Variants in HK1 observed in about 807,000 individuals in gnomAD.
The protein encoded by HK1 is hexokinase-1.
HK1 carries 28 observed loss-of-function variants against 91.6 expected under a neutral mutation model. The ratio of observed to expected loss-of-function variants is 0.31; its 90% CI spans 0.23 to 0.42. The LOEUF is 0.42. HK1 is among the 10% of genes least tolerant of loss of function. The pLI, the probability that HK1 is intolerant of heterozygous loss-of-function variation, is 1.00. For missense variants in HK1, 770 were observed against 1,219.8 expected (o/e 0.63, Z 5.49); for synonymous variants, 430 against 468.1 (o/e 0.92, Z 1.05).
At chr10:69,327,920 A>G (rs1847475669) in intron 1 of HK1, among the ~76,000 whole-genome samples, 1 of 152,088 alleles carries the variant, frequency 6.6e-6, no homozygotes, top group Admixed American at 6.5e-5. Context: ...CTGCTGAGAT[A>G]TCTGCACTGG....
At chr10:69,284,862 G>A (rs188613953) in intron 2 of HK1, among the ~76,000 whole-genome samples, 198 of 151,990 alleles carry the variant, frequency 1.3e-3, no homozygotes, top group Middle Eastern at 3.4e-3. Flanking sequence ...TGTCACCCAG[G>A]CTGGAGTGCA....
upstream of HK1, among the ~76,000 whole-genome samples, chr10:69,316,200 G>C (rs187752534): frequency 8.5e-5 from 13 of 152,300 alleles, no homozygotes; most frequent in African/African-American, 3.1e-4. Context: ...AGTGGAGGAA[G>C]AGATAAGTGG....
intron 1 of HK1, among the ~76,000 whole-genome samples, chr10:69,323,737 TGGCA>T (rs1451730839): frequency 6.6e-6 from 1 of 152,188 alleles, no homozygotes; most frequent in Non-Finnish European, 1.5e-5. Flanking sequence ...AGGAATAAAC[TGGCA>T]GGCAGGGTGT....
chr10:69,333,856 T>C (rs2132639521), intron 1 of HK1, among the ~76,000 whole-genome samples: 1 of 152,272 alleles, frequency 6.6e-6, no homozygotes, highest in Middle Eastern at 3.4e-3. Flanking sequence ...CTCACGCCTG[T>C]AATCCCAGCA....
At chr10:69,338,110 C>A (rs1357697241) in intron 1 of HK1, 3 of 311,586 alleles carry the variant, frequency 9.6e-6, no homozygotes, top group Non-Finnish European at 1.5e-5. Flanking sequence ...TCCTGCTCTG[C>A]GGGGGTCCAA....
chr10:69,386,143 C>T (rs184508349), intron 12 of HK1, among the ~76,000 whole-genome samples, 180 bp from the exon 13 acceptor site: 89 of 152,306 alleles, frequency 5.8e-4, no homozygotes, highest in African/African-American at 1.8e-3. Context: ...TTTCAAACCC[C>T]TATGAGGATG....
upstream of HK1, among the ~76,000 whole-genome samples, chr10:69,314,637 T>C (rs1387182244): frequency 1.3e-5 from 2 of 151,766 alleles, no homozygotes; most frequent in Non-Finnish European, 2.9e-5. Context: ...TTTTTCTTCT[T>C]TCCTTTTCTT....
chr10:69,308,087 C>A (rs1228198229), intron 5 of HK1, among the ~76,000 whole-genome samples: 1 of 152,164 alleles, frequency 6.6e-6, no homozygotes, highest in Non-Finnish European at 1.5e-5. Flanking sequence ...GATCGACCCA[C>A]CTCAGCCTCC....
intron 12 of HK1, 141 bp downstream of exon 12, chr10:69,385,056 T>C: frequency 1.1e-6 from 1 of 908,078 alleles, no homozygotes; most frequent in Non-Finnish European, 1.8e-6. Context: ...AGCCAGGCTT[T>C]ATTTCACAGC....
chr10:69,347,777 AT>A (rs1196567410), intron 2 of HK1, among the ~76,000 whole-genome samples: 1 of 152,156 alleles, frequency 6.6e-6, no homozygotes. Context: ...GTGTGGTCAG[AT>A]TCTTCAGTCT....
In HK1 at chr10:69,385,779, G is replaced by A. The variant is rs1010977995; in HGVS notation, c.1840-544G>A. On this transcript the variant is annotated intron_variant, in intron 12 of 17. Coordinates refer to ENST00000359426, the MANE Select transcript of HK1 (RefSeq NM_000188.3). The stretch of plus-strand genomic sequence containing the variant: ...TCTGAAACCCTTTTAGAGCTCAGGA[G>A]TTAGATCTGTTTGTTTGTTTTTAAA... Among the ~76,000 whole-genome samples, 5 of 152,208 alleles carry A rather than the reference G, an allele frequency of 3.3e-5. No homozygotes were observed. In the South Asian group the frequency reaches 1.0e-3, roughly 32 times the overall value.
At chr10:69,340,648 C>T (rs918264002) in intron 1 of HK1, among the ~76,000 whole-genome samples, 2 of 152,226 alleles carry the variant, frequency 1.3e-5, no homozygotes, top group Non-Finnish European at 2.9e-5. Context: ...CTGCCTCGGC[C>T]TCCCAAAGTG....
At chr10:69,390,475 T>C (rs1839847954) in intron 14 of HK1, among the ~76,000 whole-genome samples, 1 of 152,244 alleles carries the variant, frequency 6.6e-6, no homozygotes, top group Admixed American at 6.5e-5. Context: ...TGTTTTGGCT[T>C]TCTTTGCATC....
At chr10:69,363,991 A>G (rs1229242907) in intron 3 of HK1, among the ~76,000 whole-genome samples, 1 of 152,236 alleles carries the variant, frequency 6.6e-6, no homozygotes, top group Non-Finnish European at 1.5e-5. Context: ...CATGGTGTCG[A>G]GTGAAAGAAC....
At chr10:69,307,085 T>A (rs1055680431) in intron 5 of HK1, among the ~76,000 whole-genome samples, 1 of 152,166 alleles carries the variant, frequency 6.6e-6, no homozygotes, top group Non-Finnish European at 1.5e-5. Context: ...CGGGTGCCCA[T>A]GGGACATATA....
chr10:69,309,070 A>C (rs1846234559), intron 5 of HK1, among the ~76,000 whole-genome samples: 1 of 151,268 alleles, frequency 6.6e-6, no homozygotes, highest in Non-Finnish European at 1.5e-5. Context: ...AGCACTTTGG[A>C]AGGCCAAGTC....
chr10:69,304,062 C>A (rs1047228692), intron 5 of HK1, among the ~76,000 whole-genome samples: 2 of 152,130 alleles, frequency 1.3e-5, no homozygotes, highest in Non-Finnish European at 1.5e-5. Context: ...CAAAATATCT[C>A]AAGCACTATC....
Position 69,401,529 on chromosome 10 carries a change from T to C in HK1, c.*394T>C. On this transcript the variant is annotated 3_prime_UTR_variant, in exon 18 of 18. Transcript: ENST00000359426. The stretch of plus-strand genomic sequence containing the variant: ...ATCCTTGGGGTTCCCCCTCCCTGTG[T>C]GAAATGTATTATCACCAGCAGACAC... 2.8e-6 allele frequency: 1 copy of C among 354,836 alleles called. No individual in the cohort carries two copies. Among genetic ancestry groups the C allele is most frequent in the South Asian group, 2.2e-5 (1 of 45,658 alleles). 22.0% of individuals were successfully genotyped at this position (354,836 alleles called of 1,614,324 possible).
chr10:69,349,208 C>A (rs1406057148), intron 2 of HK1, among the ~76,000 whole-genome samples: 23 of 152,214 alleles, frequency 1.5e-4, no homozygotes, highest in Admixed American at 1.4e-3. Flanking sequence ...ATCTAGAACA[C>A]TGAATCGGTC....
Sources: gnomAD v4.1 joint callset for allele counts (sites outside exome capture counted in the v4.1 genomes callset) on GRCh38, gnomAD v4.1.1 for gene constraint, MANE v1.5 for transcripts, NCBI Gene and HGNC (gene_info 2026-07-23, HGNC 2026-07-21) for gene names.